The following NFATC2 variants were observed in gnomAD, a reference collection of about 807,000 sequenced individuals.
NFATC2 encodes nuclear factor of activated T cells 2, also known as nuclear factor of activated T-cells, cytoplasmic 2.
NFATC2 carries 22 observed loss-of-function variants against 87.3 expected under a neutral mutation model. That is an observed-to-expected ratio of 0.25 (90% CI 0.18 to 0.36). The LOEUF is 0.36. Ranked by LOEUF, NFATC2 falls within the 10% of genes least tolerant of loss-of-function variation. The probability of loss-of-function intolerance (pLI) is 1.00; values close to 1 mark genes in which losing one functional copy is unlikely to be tolerated. For synonymous variants in NFATC2, 565 were observed against 542.2 expected (o/e 1.04, Z -0.58); for missense variants, 1,149 against 1,259.1 (o/e 0.91, Z 1.32).
In NFATC2 at chr20:51,558,484, TG is replaced by T. The variant is rs71192531; in HGVS notation, c.70+4075del. ...AATTGGATTTAGGCATTGGTTTTTTTGGGGGGGGGCGAGGTAAATGTTGAAA... is the reference window on the plus strand; with the variant it reads ...AATTGGATTTAGGCATTGGTTTTTTTGGGGGGGGCGAGGTAAATGTTGAAA... On this transcript the variant is annotated intron_variant, in intron 1 of 10. Coordinates refer to the NFATC2 transcript ENST00000414705. 1.1e-3 allele frequency among the ~76,000 whole-genome samples: 159 copies of T among 150,604 alleles called. 1 individual carries two copies. Among genetic ancestry groups the T allele is most frequent in the East Asian group, 5.5e-3 (28 of 5,118 alleles).
intron 3 of NFATC2, among the ~76,000 whole-genome samples, chr20:51,484,524 G>T (rs1989543837): frequency 6.6e-6 from 1 of 152,240 alleles, no homozygotes; most frequent in South Asian, 2.1e-4. Flanking sequence ...CACCACACAG[G>T]TGTCCAACGA....
At chr20:51,406,384 C>T (rs1372529895) in intron 9 of NFATC2, among the ~76,000 whole-genome samples, 1 of 37,950 alleles carries the variant, frequency 2.6e-5, no homozygotes, top group Non-Finnish European at 1.7e-4. Context: ...ATGGGGGTGA[C>T]AGTGTTGGCA....
At chr20:51,409,706 C>CA (rs1384947452) in intron 9 of NFATC2, among the ~76,000 whole-genome samples, 2 of 152,316 alleles carry the variant, frequency 1.3e-5, no homozygotes, top group East Asian at 3.9e-4. Flanking sequence ...ATACCGAGGA[C>CA]AGAGCCACGT....
intron 9 of NFATC2, among the ~76,000 whole-genome samples, chr20:51,423,077 C>A (rs910535036): frequency 3.3e-5 from 5 of 151,844 alleles, no homozygotes; most frequent in Non-Finnish European, 7.4e-5. Flanking sequence ...CACTTGAGCC[C>A]AGGAGTTCGA....
chr20:51,392,135 A>G (rs1312475695), intron 10 of NFATC2, among the ~76,000 whole-genome samples: 1 of 152,182 alleles, frequency 6.6e-6, no homozygotes, highest in African/African-American at 2.4e-5. Flanking sequence ...CTATTACATG[A>G]TTAAGTCTGA....
chr20:51,452,667 C>T (rs1985948964), intron 6 of NFATC2, among the ~76,000 whole-genome samples: 1 of 152,210 alleles, frequency 6.6e-6, no homozygotes, highest in Non-Finnish European at 1.5e-5. Context: ...CAGACCTCCT[C>T]TCCTGTGTGC....
At chr20:51,428,096 G>T (rs1421737738) in intron 9 of NFATC2, among the ~76,000 whole-genome samples, 2 of 148,064 alleles carry the variant, frequency 1.4e-5, no homozygotes, top group Admixed American at 1.3e-4. Flanking sequence ...CACAGAGGAA[G>T]GGAGAGAGGG....
chr20:51,484,017 A>T (rs2146550977), intron 3 of NFATC2, among the ~76,000 whole-genome samples: 1 of 152,118 alleles, frequency 6.6e-6, no homozygotes, highest in East Asian at 1.9e-4. Context: ...TCTTCCTTGC[A>T]TCAAAAAGCC....
intron 3 of NFATC2, among the ~76,000 whole-genome samples, chr20:51,499,657 C>G (rs184793681): frequency 6.6e-6 from 1 of 151,574 alleles, no homozygotes; most frequent in Admixed American, 6.6e-5. Context: ...GCAGGAGAAT[C>G]GCTTGAATCC....
At chr20:51,517,016 A>G in intron 2 of NFATC2, 61 bp from the exon 3 acceptor site, 1 of 1,500,784 alleles carries the variant, frequency 6.7e-7, no homozygotes, top group Admixed American at 2.0e-5. Context: ...AACTTGTACA[A>G]TAATTGTAAA....
Position 51,398,633 on chromosome 20 carries a change from T to C in NFATC2, c.*44+10A>G, listed in dbSNP as rs955710535. The C allele has an allele frequency of 5.1e-6, 8 of 1,577,434 alleles. No individual in the cohort carries two copies. The African/African-American group carries it at 9.6e-5, about 19-fold the overall frequency. ...GGAAAACAAAAGGAGAAGCAGAAGA[T>C]ATCGATTACCTTTAACTTTGATTTC... is the stretch of plus-strand genomic sequence containing the variant. On this transcript the variant is annotated intron_variant, in intron 10 of 10. Coordinates refer to ENST00000371564, the MANE Select transcript of NFATC2 (RefSeq NM_012340.5).
chr20:51,408,511 T>TA (rs376694540), intron 9 of NFATC2, among the ~76,000 whole-genome samples: 88,722 of 125,034 alleles, frequency 0.71, 31,011 homozygotes, highest in East Asian at 0.81. Context: ...AAGACTCTTT[T>TA]TAAAAAAAAA....
chr20:51,461,879 G>A (rs748363862), intron 5 of NFATC2, among the ~76,000 whole-genome samples: 4 of 152,196 alleles, frequency 2.6e-5, no homozygotes, highest in Non-Finnish European at 5.9e-5. Flanking sequence ...ACTTTGGGAG[G>A]CCAAGGTGGG....
In NFATC2 at chr20:51,387,417, T is replaced by G. The variant is rs1282550206; in HGVS notation, c.*4079A>C. The G allele has an allele frequency of 6.6e-6, 1 of 152,190 alleles. No individual in the cohort carries two copies. Among genetic ancestry groups the G allele is most frequent in the East Asian group, 1.9e-4 (1 of 5,200 alleles). The allele number at this position is 152,190 out of a possible 1,614,324, so 9.4% of individuals were successfully genotyped here. A position where few individuals can be genotyped will look rare whatever the true frequency, so the allele number is the denominator to read the frequency against. On this transcript the variant is annotated 3_prime_UTR_variant, in exon 11 of 11. Coordinates refer to ENST00000371564, the MANE Select transcript of NFATC2 (RefSeq NM_012340.5). The stretch of plus-strand genomic sequence containing the variant: ...TAAAGGTAGAATGTTAATAACCCTT[T>G]CACTTCCAGCTCCCAGGACCCTGAT...
At chr20:51,423,670 G>C (rs1435035224) in intron 9 of NFATC2, among the ~76,000 whole-genome samples, 1 of 152,190 alleles carries the variant, frequency 6.6e-6, no homozygotes, top group African/African-American at 2.4e-5. Context: ...AAACAATTCA[G>C]AACAATTAAA....
At chr20:51,552,771 G>A (rs1287809138) in intron 1 of NFATC2, among the ~76,000 whole-genome samples, 1 of 152,028 alleles carries the variant, frequency 6.6e-6, no homozygotes, top group African/African-American at 2.4e-5. Context: ...TGTTTGGCCT[G>A]CCCAGTAATT....
intron 9 of NFATC2, among the ~76,000 whole-genome samples, chr20:51,429,385 G>T (rs1363455437): frequency 1.3e-5 from 2 of 152,222 alleles, no homozygotes; most frequent in African/African-American, 4.8e-5. Flanking sequence ...AGGCCACGTG[G>T]GTGGAAACCA....
chr20:51,496,920 T>A (rs935697257), intron 3 of NFATC2, among the ~76,000 whole-genome samples: 3 of 152,352 alleles, frequency 2.0e-5, no homozygotes, highest in African/African-American at 7.2e-5. Context: ...GTTGACTGAA[T>A]GGGCATTGCT....
intron 9 of NFATC2, among the ~76,000 whole-genome samples, chr20:51,419,384 G>A (rs778492332): frequency 2.6e-4 from 40 of 152,164 alleles, no homozygotes; most frequent in Non-Finnish European, 4.9e-4. Context: ...AGGGATAAAT[G>A]TGATTTCTGG....
Sources: gnomAD v4.1 joint callset for allele counts (sites outside exome capture counted in the v4.1 genomes callset) on GRCh38, gnomAD v4.1.1 for gene constraint, MANE v1.5 for transcripts, NCBI Gene and HGNC (gene_info 2026-07-23, HGNC 2026-07-21) for gene names.